The following NBN variants were observed in gnomAD, a reference collection of about 807,000 sequenced individuals.
The protein encoded by NBN is nibrin.
A neutral mutation model predicts 90.8 loss-of-function variants in NBN; 88 were observed. That is an observed-to-expected ratio of 0.97 (90% confidence interval 0.82 to 1.16). NBN has a LOEUF of 1.16. Ranked by LOEUF, NBN falls within the 50% of genes most tolerant of loss-of-function variation. NBN has a pLI of 0.00. For synonymous variants in NBN, 328 were observed against 295.1 expected, an observed-to-expected ratio of 1.11 and a Z score of -1.14; for missense variants, 894 against 869.6, an observed-to-expected ratio of 1.03 and a Z score of -0.35.
At chr8:89,941,654 G>A (rs1279054908) in intron 14 of NBN, among the ~76,000 whole-genome samples, 1 of 152,132 alleles carries the variant, frequency 6.6e-6, no homozygotes, top group Non-Finnish European at 1.5e-5. Flanking sequence ...ATGAAGAGAT[G>A]TCTGGAATAT....
At chr8:89,958,704 A>C (rs1563538286) in intron 9 of NBN, 21 bp downstream of exon 9, 17 of 1,609,236 alleles carry the variant, frequency 1.1e-5, no homozygotes, top group Non-Finnish European at 1.4e-5. Flanking sequence ...TAACAATAGT[A>C]CGGTAATGAA....
intron 2 of NBN, 111 bp downstream of exon 2, chr8:89,982,611 G>T: frequency 1.0e-6 from 1 of 990,850 alleles, no homozygotes; most frequent in Non-Finnish European, 1.6e-6. Flanking sequence ...AGTCTACACA[G>T]CTCTATAAAA....
Position 89,981,512 on chromosome 8 carries a change from A to C in NBN, c.183T>G (p.Asp61Glu). Reference sequence around the variant, plus strand: ...CTTTTAATGTCAATACAGGGATTTCATCTGTTTGACTCTGAAAAGTTAGCA... The same window carrying C: ...CTTTTAATGTCAATACAGGGATTTCCTCTGTTTGACTCTGAAAAGTTAGCA... ...NFSVTNLSQT[D>E]EIPVLTLKDN... The change falls in exon 3 of 16, where the codon GAT (aspartate) becomes GAG (glutamate). Residue 61 changes from aspartate to glutamate, a missense_variant. Coordinates refer to ENST00000265433, the MANE Select transcript of NBN (RefSeq NM_002485.5). The C allele has an allele frequency of 6.2e-7, 1 of 1,612,970 alleles. No individual in the cohort carries two copies. Among genetic ancestry groups the C allele is most frequent in the Non-Finnish European group, 8.5e-7 (1 of 1,179,104 alleles).
intron 8 of NBN, among the ~76,000 whole-genome samples, chr8:89,964,137 C>G (rs1015153004): frequency 6.6e-6 from 1 of 151,844 alleles, no homozygotes; most frequent in African/African-American, 2.4e-5. Flanking sequence ...CTGAACTTAC[C>G]ATGTGTGTGT....
rs1810185871 is a variant in NBN, at chr8:89,946,259, G to A, written c.1951C>T (p.Pro651Ser). 1 of 1,585,538 alleles carries A rather than the reference G, an allele frequency of 6.3e-7. No individual in the cohort carries two copies. The highest frequency in any genetic ancestry group is 8.7e-7 in the Non-Finnish European group (1 of 1,154,448). ...DKLQDDSEML[P>S]KKLLLTEFRS... ...AATTCAGTCAATAACAGCTTTTTTG[G>A]AAGCATCTCACTATCATCCTGAAGT... Residue 651 changes from proline (P) to serine (S), a missense_variant, in exon 13 of 16, where the codon CCA (proline) becomes TCA (serine). By Grantham distance (74) the Pro-to-Ser change is moderately conservative. Coordinates refer to ENST00000265433, the MANE Select transcript of NBN (RefSeq NM_002485.5).
rs745821999 is a variant in NBN, at chr8:89,971,287, A to G, written c.588T>C (p.Phe196=). The stretch of plus-strand genomic sequence containing the variant: ...TAGATGGTTCATCAAGAGGTGGGTA[A>G]AAACTGTAAAAATAATTAAAGTATA... ...SKKQPPQIES[F]YPPLDEPSIG... The change falls in exon 6 of 16, where the codon TTT becomes TTC. Residue 196 remains phenylalanine, a synonymous_variant. Transcript: ENST00000265433. 22 of 1,609,694 alleles carry G rather than the reference A, an allele frequency of 1.4e-5. No individual in the cohort carries two copies. Among genetic ancestry groups the G allele is most frequent in the Non-Finnish European group, 1.6e-5 (19 of 1,177,190 alleles).
chr8:89,966,053 A>G (rs1811240222), intron 7 of NBN, among the ~76,000 whole-genome samples: 1 of 152,246 alleles, frequency 6.6e-6, no homozygotes, highest in Non-Finnish European at 1.5e-5. Context: ...ATGGTTACAT[A>G]AAATAGAAAC....
At chr8:89,950,192 TGTA>T (rs1810384384) in intron 11 of NBN, among the ~76,000 whole-genome samples, 1 of 152,208 alleles carries the variant, frequency 6.6e-6, no homozygotes. Flanking sequence ...TGATTTAACT[TGTA>T]GTAGTCATCC....
intron 5 of NBN, among the ~76,000 whole-genome samples, chr8:89,977,200 C>A (rs962312924): frequency 6.6e-6 from 1 of 152,084 alleles, no homozygotes; most frequent in Non-Finnish European, 1.5e-5. Flanking sequence ...AGGTATTTGT[C>A]CTAATGCTCT....
At chr8:89,962,991 T>C (rs1336863455) in intron 8 of NBN, among the ~76,000 whole-genome samples, 1 of 152,076 alleles carries the variant, frequency 6.6e-6, no homozygotes, top group Non-Finnish European at 1.5e-5. Flanking sequence ...TAATTTCCTC[T>C]CTGTCCGTCA....
intron 5 of NBN, among the ~76,000 whole-genome samples, chr8:89,975,631 T>C (rs964488891): frequency 5.7e-4 from 87 of 152,206 alleles, no homozygotes; most frequent in African/African-American, 2.0e-3. Context: ...GGTAGGGATG[T>C]TGTATAGTCG....
intron 1 of NBN, chr8:89,984,192 G>A: frequency 2.2e-6 from 1 of 445,408 alleles, no homozygotes; most frequent in African/African-American, 2.0e-5. Context: ...CCCACTAGGC[G>A]CCTGCTGCCG....
chr8:89,955,555 C>A lies in NBN; in HGVS notation c.1125G>T (p.Trp375Cys). 6.2e-7 allele frequency: 1 copy of A among 1,612,024 alleles called. No individual in the cohort carries two copies. The highest frequency in any genetic ancestry group is 8.5e-7 in the Non-Finnish European group (1 of 1,179,332). Residue 375 changes from tryptophan (W) to cysteine (C), a missense_variant and splice_region_variant, in exon 10 of 16, where the codon TGG becomes TGT. Transcript: ENST00000265433. ...ADTESEQADT[W>C]DLSERPKEIK... ...TTTCTTTTGGCCTTTCACTCAAATC[C>A]CTGTAGAAAAAGAAAAGAATGCAAG...
chr8:89,981,379 A>G lies in NBN; in HGVS notation c.316T>C (p.Phe106Leu). The G allele has an allele frequency of 6.2e-7, 1 of 1,613,846 alleles. No homozygotes were observed. Among genetic ancestry groups the G allele is most frequent in the Non-Finnish European group, 8.5e-7 (1 of 1,179,880 alleles). The part of the protein sequence containing the change: ...GITFGVFGSK[F>L]RIEYEPLVAC... ...ATCAATTTTAAAATGTCTTACCTGA[A>G]TTTACTTCCAAACACTCCAAAAGTA... Residue 106 changes from phenylalanine to leucine, a missense_variant, in exon 3 of 16, where the codon TTC becomes CTC. Physicochemically the swap from Phe to Leu is conservative, Grantham distance 22. Coordinates refer to ENST00000265433, the MANE Select transcript of NBN (RefSeq NM_002485.5).
intron 15 of NBN, 124 bp downstream of exon 15, chr8:89,936,902 T>A: frequency 1.4e-6 from 1 of 725,346 alleles, no homozygotes. Context: ...AATAAACACT[T>A]GTGTTAGGTG....
At chr8:89,983,450 A>C (rs1162704126) in intron 1 of NBN, among the ~76,000 whole-genome samples, 1 of 151,898 alleles carries the variant, frequency 6.6e-6, no homozygotes, top group Admixed American at 6.6e-5. Flanking sequence ...AAAAAAATCA[A>C]GAAAAATGTG....
chr8:89,966,242 A>G (rs1811246950), intron 7 of NBN, among the ~76,000 whole-genome samples: 1 of 152,222 alleles, frequency 6.6e-6, no homozygotes, highest in South Asian at 2.1e-4. Context: ...AAAAAGAGGT[A>G]TCAGAGAAAT....
At chr8:89,962,004 G>T (rs1454310320) in intron 8 of NBN, among the ~76,000 whole-genome samples, 1 of 152,070 alleles carries the variant, frequency 6.6e-6, no homozygotes, top group Non-Finnish European at 1.5e-5. Context: ...GTGATAAAAT[G>T]GAAAAGGAAG....
At chr8:89,981,972 C>T (rs1410731764) in intron 2 of NBN, 3 of 1,207,852 alleles carry the variant, frequency 2.5e-6, no homozygotes, top group Admixed American at 3.1e-5. Flanking sequence ...TTTACTTTTT[C>T]TGTAGAAATT....
Sources: allele counts gnomAD v4.1 joint callset (sites outside exome capture counted in the v4.1 genomes callset), GRCh38; gene constraint gnomAD v4.1.1; transcripts MANE v1.5; gene names NCBI Gene and HGNC (gene_info 2026-07-23, HGNC 2026-07-21).